ERG: variants seen among roughly 807,000 people sequenced by gnomAD.
ERG encodes transcriptional regulator ERG.
Under a neutral mutation model 55.3 loss-of-function variants are expected in ERG, and 9 were observed. The observed-to-expected ratio is 0.16, with a 90% confidence interval of 0.10 to 0.28. The LOEUF (loss-of-function observed/expected upper bound fraction) is 0.28. Among genes scored for constraint, ERG ranks in the 10% least tolerant of loss-of-function variants. The pLI is 1.00. For synonymous variants in ERG, 223 were observed against 237.3 expected, an observed-to-expected ratio of 0.94 and a Z score of 0.55; for missense variants, 434 against 631.6, an observed-to-expected ratio of 0.69 and a Z score of 3.35.
At chr21:38,651,530 T>A (rs1261118711) in intron 1 of ERG, among the ~76,000 whole-genome samples, 1 of 152,230 alleles carries the variant, frequency 6.6e-6, no homozygotes, top group African/African-American at 2.4e-5. Context: ...AAATATCTCA[T>A]CCATATTTTA....
chr21:38,427,932 A>C (rs1989913890), intron 2 of ERG, among the ~76,000 whole-genome samples: 1 of 152,178 alleles, frequency 6.6e-6, no homozygotes, highest in Admixed American at 6.5e-5. Flanking sequence ...CACGCATATA[A>C]TCCCAGCATT....
intron 1 of ERG, among the ~76,000 whole-genome samples, chr21:38,593,317 G>A (rs769470110): frequency 5.9e-5 from 9 of 152,184 alleles, no homozygotes; most frequent in Non-Finnish European, 1.2e-4. Flanking sequence ...TTTACACTGA[G>A]CCTTCTGTTC....
In ERG at chr21:38,404,538, A is replaced by G. The variant is rs1435708978; in HGVS notation, c.389-829T>C. ...GGGATGTCCTGTGGTAAACACCCTC[A>G]GTGGTAGGGTCTTCAGAGTGTGGTA... On this transcript the variant is annotated intron_variant, in intron 3 of 9. Transcript: ENST00000288319. 2.0e-5 allele frequency among the ~76,000 whole-genome samples: 3 copies of G among 152,192 alleles called. No homozygotes were observed. The East Asian group carries it at 5.8e-4, about 29-fold the overall frequency.
chr21:38,534,793 AC>A (rs2059697416), intron 2 of ERG, among the ~76,000 whole-genome samples: 1 of 152,210 alleles, frequency 6.6e-6, no homozygotes, highest in Admixed American at 6.5e-5. Context: ...AGCATTACTC[AC>A]AATAGCCAAA....
chr21:38,446,801 G>A lies in ERG; in HGVS notation c.19-1180C>T, dbSNP rs80224846. On this transcript the variant is annotated intron_variant, in intron 1 of 9. Transcript: ENST00000288319. ...CTCCAAATGAGAAATCTGAGACCCA[G>A]AAAGGTCTAGAGCTAATCTTGAATG... 3.4e-3 allele frequency among the ~76,000 whole-genome samples: 511 copies of A among 152,258 alleles called. 4 individuals are homozygous for A. Among genetic ancestry groups the A allele is most frequent in the Non-Finnish European group, 6.2e-3 (424 of 68,012 alleles).
At chr21:38,372,855 T>TCA in the ERG span, among the ~76,000 whole-genome samples, 1 of 152,094 alleles carries the variant, frequency 6.6e-6, no homozygotes, top group Non-Finnish European at 1.5e-5. Flanking sequence ...TATCAATAGC[T>TCA]CACACAACTA....
In ERG at chr21:38,383,984, T is replaced by C; in HGVS notation, c.920-61A>G. 6.5e-7 allele frequency: 1 copy of C among 1,548,814 alleles called. No homozygotes were observed. Among genetic ancestry groups the C allele is most frequent in the South Asian group, 1.2e-5 (1 of 81,580 alleles). On this transcript the variant is annotated intron_variant, in intron 9 of 9. Transcript: ENST00000288319. This position sits in a 1 kb window ranked among gnomAD's most constrained non-coding sequence, Gnocchi z 5.7. The stretch of plus-strand genomic sequence containing the variant: ...AGCACAGGTTCCAGGGGAAAGAGGC[T>C]CTCTGTGATGACGGAAGGAGGTGCT...
At chr21:38,369,984 G>C in the ERG span, among the ~76,000 whole-genome samples, 1 of 151,934 alleles carries the variant, frequency 6.6e-6, no homozygotes, top group African/African-American at 2.4e-5. Flanking sequence ...CTATGTGTCT[G>C]TTTTTTGTAC....
intron 2 of ERG, among the ~76,000 whole-genome samples, chr21:38,555,378 T>G (rs544616636): frequency 2.5e-4 from 38 of 152,102 alleles, no homozygotes; most frequent in African/African-American, 8.7e-4. Flanking sequence ...AAAATAGTTT[T>G]GGTTTTTTTC....
At position 38,415,790 on chromosome 21, in the gene ERG, C is replaced by A. The variant is rs574198653; in HGVS notation, c.388+7620G>T. Among the ~76,000 whole-genome samples the A allele has an allele frequency of 7.5e-4, 114 of 152,130 alleles. 1 individual carries two copies. The highest frequency in any genetic ancestry group is 6.8e-3 in the Middle Eastern group (2 of 294). ...ACCACCAAGAATCCTGCAACCCCTG[C>A]GAGTCTGCGATTCCTGCTAGTTAGA... On this transcript the variant is annotated intron_variant, in intron 3 of 9. Transcript: ENST00000288319.
At chr21:38,649,889 C>T (rs1046757437) in intron 1 of ERG, among the ~76,000 whole-genome samples, 2 of 152,250 alleles carry the variant, frequency 1.3e-5, no homozygotes, top group Non-Finnish European at 2.9e-5. Context: ...CATCGCTACA[C>T]ACCAGAGACG....
At chr21:38,628,198 C>T (rs542759457) in intron 1 of ERG, among the ~76,000 whole-genome samples, 52 of 152,294 alleles carry the variant, frequency 3.4e-4, no homozygotes, top group Middle Eastern at 6.8e-3. Context: ...AATCCACTCG[C>T]CTCAGCCTCT....
intron 3 of ERG, among the ~76,000 whole-genome samples, chr21:38,410,330 G>T (rs536354818): frequency 6.6e-6 from 1 of 152,264 alleles, no homozygotes; most frequent in Admixed American, 6.5e-5. Flanking sequence ...CATTCCAATT[G>T]TTTTGAAAAC....
At chr21:38,471,730 A>G (rs2059140915) in intron 1 of ERG, 1 of 152,246 alleles carries the variant, frequency 6.6e-6, no homozygotes. Context: ...ATTAAGATCA[A>G]AAGTCTGAGA....
intron 2 of ERG, among the ~76,000 whole-genome samples, chr21:38,510,499 G>GA (rs1410877708): frequency 6.6e-6 from 1 of 152,212 alleles, no homozygotes; most frequent in African/African-American, 2.4e-5. Flanking sequence ...CTTAACTCAA[G>GA]AGGTTTTGCC....
At chr21:38,590,725 G>T (rs114800301) in intron 1 of ERG, among the ~76,000 whole-genome samples, 1 of 151,952 alleles carries the variant, frequency 6.6e-6, no homozygotes, top group African/African-American at 2.4e-5. Context: ...CCATCCATAC[G>T]CACTGAGTTC....
chr21:38,642,650 A>T (rs2146972250), intron 1 of ERG, among the ~76,000 whole-genome samples: 1 of 152,316 alleles, frequency 6.6e-6, no homozygotes, highest in Non-Finnish European at 1.5e-5. Context: ...TGTTACACCC[A>T]CTGATCTTCC....
chr21:38,628,466 G>C (rs2060338488), intron 1 of ERG, among the ~76,000 whole-genome samples: 1 of 152,118 alleles, frequency 6.6e-6, no homozygotes, highest in African/African-American at 2.4e-5. Context: ...ACACATCAAT[G>C]AAAGACATGA....
At position 38,423,084 on chromosome 21, in the gene ERG, A is replaced by AGTGTGTGTGTGT. The variant is rs71184624; in HGVS notation, c.388+314_388+325dup. On this transcript the variant is annotated intron_variant, in intron 3 of 9. Transcript: ENST00000288319. ...TTTCTCTCTGTCTCTCTCCATACGT[A>AGTGTGTGTGTGT]GTGTGTGTGTGTGTGTGTGTGTGTG... Among the ~76,000 whole-genome samples the AGTGTGTGTGTGT allele has an allele frequency of 2.5e-3, 357 of 144,430 alleles. 2 individuals are homozygous for AGTGTGTGTGTGT. Among genetic ancestry groups the AGTGTGTGTGTGT allele is most frequent in the Non-Finnish European group, 2.1e-3 (135 of 65,740 alleles). The allele number at this position is 144,430 out of a possible 152,430, so 94.8% of individuals were successfully genotyped here. A position where few individuals can be genotyped will look rare whatever the true frequency, so the allele number is the denominator to read the frequency against.
Sources: gnomAD v4.1 joint callset for allele counts (sites outside exome capture counted in the v4.1 genomes callset) on GRCh38, gnomAD v4.1.1 for gene constraint, Gnocchi (gnomAD v3.1) non-coding constraint, MANE v1.5 for transcripts, NCBI Gene and HGNC (gene_info 2026-07-23, HGNC 2026-07-21) for gene names.